Variants in BICC1 observed in about 807,000 individuals in gnomAD.
The protein encoded by BICC1 is BicC family RNA binding protein 1.
BICC1 carries 43 observed loss-of-function variants against 111.0 expected under a neutral mutation model. The ratio of observed to expected loss-of-function variants is 0.39; its 90% CI spans 0.30 to 0.50. The LOEUF (loss-of-function observed/expected upper bound fraction) is 0.50, where lower values mean the gene tolerates loss of function less well. Ranked by LOEUF, BICC1 falls within the 20% of genes least tolerant of loss-of-function variation. The probability of loss-of-function intolerance (pLI) is 0.88; values close to 1 mark genes in which losing one functional copy is unlikely to be tolerated. For missense variants in BICC1, 1,091 were observed against 1,203.2 expected (o/e 0.91, Z 1.38); for synonymous variants, 467 against 434.4 (o/e 1.07, Z -0.93).
chr10:58,756,624 GC>G (rs1842152101), intron 3 of BICC1, among the ~76,000 whole-genome samples: 1 of 114,694 alleles, frequency 8.7e-6, no homozygotes, highest in African/African-American at 3.6e-5. Flanking sequence ...GCAACTACTA[GC>G]CTTTTTTTTT....
intron 2 of BICC1, among the ~76,000 whole-genome samples, chr10:58,634,358 A>G (rs1837891439): frequency 6.6e-6 from 1 of 152,040 alleles, no homozygotes; most frequent in Non-Finnish European, 1.5e-5. Flanking sequence ...CTCCAGTTCT[A>G]CCGTCAGCCA....
At chr10:58,796,875 CTAGAGA>C (rs1319116918) in intron 10 of BICC1, among the ~76,000 whole-genome samples, 2 of 149,996 alleles carry the variant, frequency 1.3e-5, no homozygotes, top group African/African-American at 4.9e-5. Context: ...TCTTCAGTCC[CTAGAGA>C]TAAAGATTAT....
At chr10:58,721,735 A>G (rs74151711) in intron 3 of BICC1, among the ~76,000 whole-genome samples, 1,660 of 152,244 alleles carry the variant, frequency 0.011, 31 homozygotes, top group African/African-American at 0.038. Context: ...AAGTCAGGAA[A>G]AATAATTTTC....
intron 14 of BICC1, 114 bp from the exon 15 acceptor site, chr10:58,802,963 C>A: frequency 2.9e-6 from 3 of 1,018,932 alleles, no homozygotes; most frequent in Non-Finnish European, 4.1e-6. Flanking sequence ...AAATGAGAGA[C>A]TACGTGTAAA....
intron 3 of BICC1, among the ~76,000 whole-genome samples, chr10:58,769,283 A>AACAC (rs3076306): frequency 6.9e-5 from 10 of 145,472 alleles, no homozygotes; most frequent in East Asian, 2.0e-4. Flanking sequence ...AAATGTTCTC[A>AACAC]ACACACACAC....
chr10:58,800,136 T>C, intron 12 of BICC1, 58 bp from the exon 13 acceptor site: 1 of 1,380,684 alleles, frequency 7.2e-7, no homozygotes, highest in South Asian at 1.3e-5. Context: ...GTGTTCTTGA[T>C]TTGACTCTCT....
intron 1 of BICC1, among the ~76,000 whole-genome samples, chr10:58,529,537 G>C (rs1033437405): frequency 2.0e-5 from 3 of 151,766 alleles, no homozygotes; most frequent in African/African-American, 4.8e-5. Flanking sequence ...GCAATGTTTT[G>C]GTAAGATTTT....
At chr10:58,816,248 G>T (rs1227059779) in intron 18 of BICC1, among the ~76,000 whole-genome samples, 1 of 152,130 alleles carries the variant, frequency 6.6e-6, no homozygotes, top group Admixed American at 6.5e-5. Context: ...TTGTGGCTTT[G>T]TGTCACCTTT....
intron 2 of BICC1, among the ~76,000 whole-genome samples, chr10:58,654,070 C>T (rs971976809): frequency 3.5e-5 from 5 of 144,302 alleles, no homozygotes; most frequent in African/African-American, 1.3e-4. Flanking sequence ...TTTTCTTAAT[C>T]CAGTCTATCA....
chr10:58,813,232 G>C (rs745745279), intron 17 of BICC1, among the ~76,000 whole-genome samples: 2 of 152,144 alleles, frequency 1.3e-5, no homozygotes, highest in East Asian at 1.9e-4. Flanking sequence ...ATGAATAAAT[G>C]CAAGTTCAGT....
chr10:58,578,294 T>C (rs1844169824), intron 1 of BICC1, among the ~76,000 whole-genome samples: 1 of 152,208 alleles, frequency 6.6e-6, no homozygotes, highest in African/African-American at 2.4e-5. Context: ...TGTTATTTTT[T>C]GTTCCTGAGA....
intron 17 of BICC1, among the ~76,000 whole-genome samples, chr10:58,812,756 G>A (rs544803806): frequency 5.3e-4 from 80 of 152,286 alleles, no homozygotes; most frequent in African/African-American, 1.5e-3. Context: ...GGAATTACAG[G>A]TGTGAGCCAC....
intron 15 of BICC1, among the ~76,000 whole-genome samples, chr10:58,804,265 C>A (rs918659918): frequency 2.6e-5 from 4 of 152,154 alleles, no homozygotes; most frequent in African/African-American, 9.7e-5. Flanking sequence ...CCTATATTCT[C>A]AGCACTTTCA....
At chr10:58,756,849 C>A (rs748516621) in intron 3 of BICC1, among the ~76,000 whole-genome samples, 12 of 152,112 alleles carry the variant, frequency 7.9e-5, no homozygotes, top group Non-Finnish European at 1.5e-4. Flanking sequence ...ACTTTCTAGT[C>A]TCTTATGCTG....
intron 15 of BICC1, among the ~76,000 whole-genome samples, chr10:58,806,198 C>T (rs962881555): frequency 1.3e-5 from 2 of 152,086 alleles, no homozygotes; most frequent in Non-Finnish European, 2.9e-5. Context: ...CCAATAGATA[C>T]ATGACAGCAT....
chr10:58,808,830 C>T lies in BICC1; in HGVS notation c.2376+1672C>T, dbSNP rs987627322. 7.9e-5 allele frequency among the ~76,000 whole-genome samples: 12 copies of T among 151,874 alleles called. No homozygotes were observed. The South Asian group carries it at 2.3e-3, about 29-fold the overall frequency. On this transcript the variant is annotated intron_variant, in intron 17 of 20. Coordinates refer to ENST00000373886, the MANE Select transcript of BICC1 (RefSeq NM_001080512.3). ...TCCTGGGTTCAGGCAATTCTCCCAT[C>T]TCAGCCTCCCGAGTAGCTGGGATTA...
intron 2 of BICC1, among the ~76,000 whole-genome samples, chr10:58,647,329 A>G (rs1180093768): frequency 6.6e-6 from 1 of 152,220 alleles, no homozygotes; most frequent in Non-Finnish European, 1.5e-5. Flanking sequence ...TAAGAAATTT[A>G]GTTCATAAAA....
Position 58,813,911 on chromosome 10 carries a change from A to G in BICC1, c.2458A>G (p.Asn820Asp). ...CGAATCTGATAACTGGAGAGACCGA[A>G]ATGGAATTGGACCTGGAAGTCATAG... ...GSESDNWRDR[N>D]GIGPGSHSEF... Residue 820 changes from asparagine (N) to aspartate (D), a missense_variant, in exon 18 of 21, where the codon AAT (asparagine) becomes GAT (aspartate). This residue lies in a region of BICC1 where 231 missense variants were observed against 256.2 expected (regional missense o/e 0.90). Transcript: ENST00000373886. 6.2e-7 allele frequency: 1 copy of G among 1,614,076 alleles called. No individual in the cohort carries two copies. The highest frequency in any genetic ancestry group is 8.5e-7 in the Non-Finnish European group (1 of 1,179,944).
intron 3 of BICC1, among the ~76,000 whole-genome samples, chr10:58,702,659 T>C (rs967323211): frequency 6.6e-6 from 1 of 152,192 alleles, no homozygotes; most frequent in East Asian, 1.9e-4. Flanking sequence ...TATGGGACAC[T>C]ACCCAGTGCA....
Sources: gnomAD v4.1 joint callset for allele counts (sites outside exome capture counted in the v4.1 genomes callset) on GRCh38, gnomAD v4.1.1 for gene constraint, gnomAD v4.1.1 regional missense constraint, MANE v1.5 for transcripts, NCBI Gene and HGNC (gene_info 2026-07-23, HGNC 2026-07-21) for gene names.